NCR1: variants seen among roughly 807,000 people sequenced by gnomAD.
NCR1 encodes the protein NK cell-activating receptor.
NCR1 carries 30 observed loss-of-function variants against 32.5 expected under a neutral mutation model. That is an observed-to-expected ratio of 0.92 (90% CI 0.69 to 1.25). The LOEUF (loss-of-function observed/expected upper bound fraction) is 1.25. Among genes scored for constraint, NCR1 ranks in the 50% most tolerant of loss-of-function variants. The probability of loss-of-function intolerance (pLI) is 0.00; values close to 1 mark genes in which losing one functional copy is unlikely to be tolerated. For missense variants in NCR1, 369 were observed against 380.7 expected, an observed-to-expected ratio of 0.97 and a Z score of 0.26; for synonymous variants, 169 against 143.4, an observed-to-expected ratio of 1.18 and a Z score of -1.28.
At chr19:54,936,358 G>A in the NCR1 span, 3 of 1,613,852 alleles carry the variant, frequency 1.9e-6, no homozygotes, top group South Asian at 3.3e-5. Context: ...AGGGTCAGGT[G>A]CGTGAGGGTC....
the NCR1 span, chr19:54,923,558 G>A: frequency 2.7e-5 from 19 of 703,306 alleles, no homozygotes; most frequent in Middle Eastern, 3.9e-4. Context: ...AGTACATAGC[G>A]TCATGTGAAG....
upstream of NCR1, chr19:54,906,002 A>C (rs898181349): frequency 2.8e-6 from 2 of 704,406 alleles, no homozygotes; most frequent in Non-Finnish European, 4.9e-6. Context: ...CAGAGGGACC[A>C]CGGCCTTTCT....
At chr19:54,929,246 G>A in the NCR1 span, among the ~76,000 whole-genome samples, 2 of 152,044 alleles carry the variant, frequency 1.3e-5, no homozygotes, top group African/African-American at 4.8e-5. Flanking sequence ...GTGCACGCCT[G>A]TAATCCCAAC....
chr19:54,923,993 G>C, the NCR1 span: 6 of 1,082,548 alleles, frequency 5.5e-6, no homozygotes, highest in Non-Finnish European at 8.3e-6. Flanking sequence ...TGGGGGACAG[G>C]GTCTTGCTCT....
intron 3 of NCR1, 71 bp from the exon 4 acceptor site, chr19:54,909,174 G>GA (rs2067805800): frequency 6.8e-7 from 1 of 1,475,256 alleles, no homozygotes; most frequent in South Asian, 1.3e-5. Context: ...CATCTCTAAA[G>GA]AAAGAAAAAA....
the NCR1 span, chr19:54,934,732 C>T: frequency 1.6e-6 from 2 of 1,245,032 alleles, no homozygotes; most frequent in Non-Finnish European, 2.2e-6. This position sits in a 1 kb window ranked among gnomAD's most constrained non-coding sequence, Gnocchi z 6.7. Context: ...TTTTTTGAGA[C>T]AGAGTTTCAC....
intron 5 of NCR1, 124 bp downstream of exon 5, chr19:54,910,189 C>T: frequency 2.1e-6 from 2 of 932,700 alleles, no homozygotes; most frequent in Non-Finnish European, 1.7e-6. Flanking sequence ...GTAATCCCAG[C>T]ACTTTGGGAG....
chr19:54,936,985 G>A, the NCR1 span, among the ~76,000 whole-genome samples: 6 of 152,178 alleles, frequency 3.9e-5, no homozygotes, highest in Non-Finnish European at 5.9e-5. Context: ...GGCCGAGGCC[G>A]AGGCGGGTGG....
the NCR1 span, among the ~76,000 whole-genome samples, chr19:54,926,206 GT>G: frequency 3.4e-5 from 1 of 29,762 alleles, no homozygotes; most frequent in Admixed American, 3.5e-4. Flanking sequence ...ATGATTAGGG[GT>G]GTGTGTGTGT....
At chr19:54,922,811 C>T in the NCR1 span, among the ~76,000 whole-genome samples, 12 of 138,534 alleles carry the variant, frequency 8.7e-5, no homozygotes, top group South Asian at 1.9e-3. Context: ...AACGAAAGAA[C>T]AGAGAGACAC....
the NCR1 span, chr19:54,927,506 A>G: frequency 8.2e-7 from 1 of 1,221,510 alleles, no homozygotes; most frequent in East Asian, 2.4e-5. Flanking sequence ...CGGTGAGCCA[A>G]GATTGCGCCA....
downstream of NCR1, among the ~76,000 whole-genome samples, chr19:54,913,488 A>G (rs1349014950): frequency 6.6e-6 from 1 of 152,224 alleles, no homozygotes; most frequent in African/African-American, 2.4e-5. Context: ...CAGGATGGCC[A>G]TGGAAATATT....
the NCR1 span, among the ~76,000 whole-genome samples, chr19:54,935,346 G>A: frequency 2.0e-5 from 3 of 152,044 alleles, no homozygotes; most frequent in South Asian, 2.1e-4. Context: ...TCCCACCTCA[G>A]CATCCACTGT....
At chr19:54,910,397 C>T (rs1021675303) in intron 5 of NCR1, among the ~76,000 whole-genome samples, 9 of 151,958 alleles carry the variant, frequency 5.9e-5, no homozygotes, top group Non-Finnish European at 1.0e-4. Flanking sequence ...TGGTGAAACC[C>T]CATCTCTACT....
At chr19:54,929,386 G>A in the NCR1 span, among the ~76,000 whole-genome samples, 12,803 of 132,632 alleles carry the variant, frequency 0.097, 915 homozygotes, top group East Asian at 0.38. Context: ...AAAGTACCCT[G>A]TGTTCTAGTG....
At chr19:54,922,445 A>C in the NCR1 span, among the ~76,000 whole-genome samples, 3,471 of 152,176 alleles carry the variant, frequency 0.023, 115 homozygotes, top group African/African-American at 0.078. Flanking sequence ...AGAGACATAC[A>C]CAGAGACTCC....
the NCR1 span, among the ~76,000 whole-genome samples, chr19:54,921,772 C>CAAAA: frequency 1.7e-4 from 16 of 93,906 alleles, no homozygotes; most frequent in Admixed American, 2.4e-4. Flanking sequence ...GACTCCATCT[C>CAAAA]AAAAAAAAAA....
the NCR1 span, among the ~76,000 whole-genome samples, chr19:54,926,614 T>C: frequency 5.3e-5 from 8 of 151,876 alleles, no homozygotes; most frequent in Admixed American, 3.9e-4. Context: ...ACCCCATCTC[T>C]ACTAAAAACT....
upstream of NCR1, among the ~76,000 whole-genome samples, chr19:54,903,516 A>G (rs587761098): frequency 4.6e-5 from 6 of 131,194 alleles, no homozygotes; most frequent in South Asian, 6.8e-4. Flanking sequence ...ACACGCATAC[A>G]TGTGTGTATA....
Sources: gnomAD v4.1 joint callset for allele counts (sites outside exome capture counted in the v4.1 genomes callset) on GRCh38, gnomAD v4.1.1 for gene constraint, Gnocchi (gnomAD v3.1) non-coding constraint, MANE v1.5 for transcripts, NCBI Gene and HGNC (gene_info 2026-07-23, HGNC 2026-07-21) for gene names.